LAMA5: variants seen among roughly 807,000 people sequenced by gnomAD.
LAMA5 encodes laminin subunit alpha-5.
LAMA5 carries 260 observed loss-of-function variants against 433.4 expected under a neutral mutation model. The observed-to-expected ratio is 0.60, with a 90% CI of 0.54 to 0.66. The LOEUF (loss-of-function observed/expected upper bound fraction) is 0.66, where lower values mean the gene tolerates loss of function less well. LAMA5 is among the 30% of genes least tolerant of loss of function. The probability of loss-of-function intolerance (pLI) is 0.00; values close to 1 mark genes in which losing one functional copy is unlikely to be tolerated. For missense variants in LAMA5, 5,378 were observed against 5,258.5 expected (o/e 1.02, Z -0.70); for synonymous variants, 2,620 against 2,226.6 (o/e 1.18, Z -4.97).
chr20:62,310,017 A>G lies in LAMA5; in HGVS notation c.10799T>C (p.Leu3600Pro). Residue 3600 changes from leucine to proline, a missense_variant, in exon 78 of 80, where the codon CTG becomes CCG. Transcript: ENST00000252999. ...TAGCCGGTGCCACTGGCCATCACAC[A>G]GCACTGAGGGGCGGGTCACTGACGT... is the stretch of plus-strand genomic sequence containing the variant. ...FSTSVTRPSV[L>P]CDGQWHRLAV... 1 of 1,611,554 alleles carries G rather than the reference A, an allele frequency of 6.2e-7. No homozygotes were observed.
intron 40 of LAMA5, 57 bp from the exon 41 acceptor site, chr20:62,325,603 G>A: frequency 1.7e-6 from 2 of 1,209,454 alleles, no homozygotes; most frequent in South Asian, 1.4e-5. Context: ...AGAACAGGGA[G>A]CCTAGAACAG....
chr20:62,312,657 C>G lies in LAMA5; in HGVS notation c.9202G>C (p.Val3068Leu). The change falls in exon 67 of 80, where the codon GTG becomes CTG. Residue 3068 changes from valine to leucine, a missense_variant. Transcript: ENST00000252999. ...ELADAYYLGG[V>L]PPDQLPPSLR... is the part of the protein sequence containing the mutation. ...CTCGGGGGCAGCTGGTCGGGCGGCACGCCCCCCAGGTAGTAGGCGTCGGCC... is the reference window on the plus strand; with the variant it reads ...CTCGGGGGCAGCTGGTCGGGCGGCAGGCCCCCCAGGTAGTAGGCGTCGGCC... 1 of 1,607,280 alleles carries G rather than the reference C, an allele frequency of 6.2e-7. No individual in the cohort carries two copies. The highest frequency in any genetic ancestry group is 8.5e-7 in the Non-Finnish European group (1 of 1,177,824).
chr20:62,311,835 C>A (rs1986311144), intron 70 of LAMA5, 51 bp from the exon 71 acceptor site: 2 of 1,555,850 alleles, frequency 1.3e-6, no homozygotes, highest in Non-Finnish European at 8.7e-7. Context: ...TGCCCACCCC[C>A]ACCTCAGAGG....
Position 62,317,348 on chromosome 20 carries a change from G to C in LAMA5, c.7508C>G (p.Ser2503Cys), listed in dbSNP as rs529763549. 1.2e-6 allele frequency: 2 copies of C among 1,606,764 alleles called. No individual in the cohort carries two copies. Among genetic ancestry groups the C allele is most frequent in the South Asian group, 1.1e-5 (1 of 90,536 alleles). ...CCCTCCTCTCCTGGCCACCCACCTG[G>C]ACAGATTGAGTGCCAGCTGGCCCAG... ...QQLGQLALNL[S>C]SIILDVNQDR... Residue 2503 changes from serine (S) to cysteine (C), a missense_variant, in exon 55 of 80, where the codon TCC (serine) becomes TGC (cysteine). By Grantham distance (112) the Ser-to-Cys change is moderately radical. Transcript: ENST00000252999.
At chr20:62,356,631 C>T (rs375799080) in intron 2 of LAMA5, among the ~76,000 whole-genome samples, 9 of 152,098 alleles carry the variant, frequency 5.9e-5, no homozygotes, top group South Asian at 2.1e-4. Context: ...GGCCTCTGCC[C>T]GGTGACCACT....
chr20:62,332,308 A>G (rs1980617188), intron 28 of LAMA5, 64 bp downstream of exon 28: 2 of 1,182,750 alleles, frequency 1.7e-6, no homozygotes, highest in Non-Finnish European at 1.3e-6. Flanking sequence ...CTCCCCTCTC[A>G]TGCATGTTTC....
chr20:62,323,540 A>G lies in LAMA5; in HGVS notation c.5980T>C (p.Cys1994Arg). 1 of 1,588,992 alleles carries G rather than the reference A, an allele frequency of 6.3e-7. No homozygotes were observed. The highest frequency in any genetic ancestry group is 8.5e-7 in the Non-Finnish European group (1 of 1,170,462). The change falls in exon 45 of 80, where the codon TGC (cysteine) becomes CGC (arginine). Residue 1994 changes from cysteine to arginine, a missense_variant. Physicochemically the swap from Cys to Arg is radical, Grantham distance 180 (BLOSUM62 -3). Coordinates refer to ENST00000252999, the MANE Select transcript of LAMA5 (RefSeq NM_005560.6). ...CGGGGCCCAGTGGTGTGGCGCAGGC[A>G]GCCACGGCAGGCGCCCGTCAGGGGG... ...CDPLTGACRG[C>R]LRHTTGPRCE...
At chr20:62,316,127 C>T (rs1601292815) in intron 57 of LAMA5, 69 bp from the exon 58 acceptor site, 1 of 1,062,412 alleles carries the variant, frequency 9.4e-7, no homozygotes, top group South Asian at 1.3e-5. Flanking sequence ...CCACCTCCAC[C>T]CTTCTGACCC....
In LAMA5 at chr20:62,354,502, C is replaced by T. The variant is rs913417871; in HGVS notation, c.451-1251G>A. On this transcript the variant is annotated intron_variant, in intron 2 of 79. Coordinates refer to ENST00000252999, the MANE Select transcript of LAMA5 (RefSeq NM_005560.6). Reference sequence around the variant, plus strand: ...GCACCTGGGGGTGCACACACACCCGCCCAACAGTGAAACACCGTGGGGGTG... The same window carrying T: ...GCACCTGGGGGTGCACACACACCCGTCCAACAGTGAAACACCGTGGGGGTG... Among the ~76,000 whole-genome samples, 8 of 152,146 alleles carry T rather than the reference C, an allele frequency of 5.3e-5. 1 individual carries two copies. The highest frequency in any genetic ancestry group is 4.1e-4 in the South Asian group (2 of 4,836).
intron 7 of LAMA5, 46 bp from the exon 8 acceptor site, chr20:62,346,846 G>A (rs375576523): frequency 1.2e-4 from 192 of 1,604,288 alleles, no homozygotes; most frequent in East Asian, 5.1e-4. Flanking sequence ...CCACAGGCCC[G>A]GGCACCGGGG....
chr20:62,315,127 G>A lies in LAMA5; in HGVS notation c.7948C>T (p.Leu2650=), dbSNP rs774726861. 9.9e-6 allele frequency: 16 copies of A among 1,609,684 alleles called. No individual in the cohort carries two copies. Among genetic ancestry groups the A allele is most frequent in the Non-Finnish European group, 1.3e-5 (15 of 1,179,780 alleles). ...QDTATRVQSQ[L]QAMQENVERW... ...TCCACATTCTCCTGCATGGCCTGCAGCTGGGACTGCACACGGGTGGCGGTG... is the reference window on the plus strand; with the variant it reads ...TCCACATTCTCCTGCATGGCCTGCAACTGGGACTGCACACGGGTGGCGGTG... The change falls in exon 59 of 80, where the codon CTG becomes TTG. Residue 2650 remains leucine (L), a synonymous_variant. Coordinates refer to ENST00000252999, the MANE Select transcript of LAMA5 (RefSeq NM_005560.6).
At chr20:62,342,665 C>T (rs1982778042) in intron 11 of LAMA5, among the ~76,000 whole-genome samples, 1 of 151,308 alleles carries the variant, frequency 6.6e-6, no homozygotes, top group Non-Finnish European at 1.5e-5. Context: ...GGCGACAGAG[C>T]GAGACTCCGT....
rs1389610153 is a variant in LAMA5, at chr20:62,323,787, G to A, written c.5838C>T (p.Ala1946=). 4 of 1,610,190 alleles carry A rather than the reference G, an allele frequency of 2.5e-6. No homozygotes were observed. The East Asian group carries it at 6.7e-5, about 27-fold the overall frequency. Reference sequence around the variant, plus strand: ...TAGCCCCAGCTCACCGCTCGCAGGAGGCACCTGCATAACCAGGTTTGCAGA... The same window carrying A: ...TAGCCCCAGCTCACCGCTCGCAGGAAGCACCTGCATAACCAGGTTTGCAGA... ...QCLCKPGYAG[A]SCERCAPGFF... Residue 1946 remains alanine, a synonymous_variant, in exon 44 of 80, where the codon GCC becomes GCT. Coordinates refer to ENST00000252999, the MANE Select transcript of LAMA5 (RefSeq NM_005560.6).
chr20:62,365,584 C>T (rs1362368496), intron 1 of LAMA5, among the ~76,000 whole-genome samples: 1 of 152,200 alleles, frequency 6.6e-6, no homozygotes, highest in Non-Finnish European at 1.5e-5. Context: ...GACACTCAGC[C>T]AGGCCCTCTG....
rs1488402801 is a variant in LAMA5, at chr20:62,315,177, T to C, written c.7898A>G (p.Lys2633Arg). The C allele has an allele frequency of 6.2e-7, 1 of 1,610,454 alleles. No homozygotes were observed. The highest frequency in any genetic ancestry group is 8.5e-7 in the Non-Finnish European group (1 of 1,179,160). The change falls in exon 59 of 80, where the codon AAG becomes AGG. Residue 2633 changes from lysine to arginine, a missense_variant. By Grantham distance (26) the Lys-to-Arg change is conservative. Transcript: ENST00000252999. Reference protein sequence around the residue: ...DETSKKIAHAKAVAAEAQDTA... With the variant: ...DETSKKIAHARAVAAEAQDTA... ...GTCCTGGGCTTCAGCAGCCACAGCC[T>C]TGGCATGTGCGATCTTCTTGCTTGT...
Position 62,362,394 on chromosome 20 carries a change from C to G in LAMA5, c.450+6G>C. 1 of 1,517,104 alleles carries G rather than the reference C, an allele frequency of 6.6e-7. No homozygotes were observed. 94.0% of individuals were successfully genotyped at this position (1,517,104 alleles called of 1,614,324 possible). A position where few individuals can be genotyped will look rare whatever the true frequency, so the allele number is the denominator to read the frequency against. ...GGGGCTGCAGCACGCAAAGAAGGGT[C>G]CCTACCTGGCCCAGGTCCAGGGTGA... On this transcript the variant is annotated splice_donor_region_variant and intron_variant, in intron 2 of 79. Coordinates refer to ENST00000252999, the MANE Select transcript of LAMA5 (RefSeq NM_005560.6).
rs770787001 is a variant in LAMA5, at chr20:62,326,884, C to T, written c.5195G>A (p.Arg1732Lys). The change falls in exon 39 of 80, where the codon AGG becomes AAG. Residue 1732 changes from arginine (R) to lysine (K), a missense_variant. Physicochemically the swap from Arg to Lys is conservative, Grantham distance 26. Coordinates refer to ENST00000252999, the MANE Select transcript of LAMA5 (RefSeq NM_005560.6). ...RGDVFVPMES[R>K]PDVVLQGNQM... ...CCTCACCTGCAGCACCACATCCGGC[C>T]TGCTCTCCATGGGGACAAAGACATC... is the stretch of plus-strand genomic sequence containing the variant. 163 of 1,612,104 alleles carry T rather than the reference C, an allele frequency of 1.0e-4. No homozygotes were observed. The highest frequency in any genetic ancestry group is 1.3e-4 in the Non-Finnish European group (155 of 1,179,244).
At chr20:62,328,577 G>A (rs1247820010) in intron 34 of LAMA5, 132 bp from the exon 35 acceptor site, 14 of 993,252 alleles carry the variant, frequency 1.4e-5, no homozygotes, top group African/African-American at 1.6e-5. Flanking sequence ...CCCTGCCCCG[G>A]GTGCTGAGCC....
intron 6 of LAMA5, among the ~76,000 whole-genome samples, chr20:62,349,234 G>A (rs866012431): frequency 8.1e-6 from 1 of 123,308 alleles, no homozygotes. Context: ...TCGTGCCACT[G>A]CACGCCAGTC....
Sources: gnomAD v4.1 joint callset for allele counts (sites outside exome capture counted in the v4.1 genomes callset) on GRCh38, gnomAD v4.1.1 for gene constraint, MANE v1.5 for transcripts, NCBI Gene and HGNC (gene_info 2026-07-23, HGNC 2026-07-21) for gene names.